The following SV2C variants were observed in gnomAD, a reference collection of about 807,000 sequenced individuals.
SV2C encodes synaptic vesicle glycoprotein 2C.
A neutral mutation model predicts 79.7 loss-of-function variants in SV2C; 49 were observed. That is an observed-to-expected ratio of 0.61 (90% CI 0.49 to 0.78). The LOEUF (loss-of-function observed/expected upper bound fraction) is 0.78. Among genes scored for constraint, SV2C ranks in the 30% least tolerant of loss-of-function variants. The probability of loss-of-function intolerance (pLI) is 0.00; values close to 1 mark genes in which losing one functional copy is unlikely to be tolerated. For synonymous variants in SV2C, 334 were observed against 333.2 expected, an observed-to-expected ratio of 1.00 and a Z score of -0.03; for missense variants, 833 against 912.9, an observed-to-expected ratio of 0.91 and a Z score of 1.13.
chr5:76,239,093 C>CA (rs1745703165), intron 4 of SV2C, among the ~76,000 whole-genome samples: 1 of 151,872 alleles, frequency 6.6e-6, no homozygotes, highest in Admixed American at 6.5e-5. Context: ...TCTTCCCCCC[C>CA]ACTTCTGTAT....
intron 4 of SV2C, among the ~76,000 whole-genome samples, chr5:76,270,143 G>A (rs771578251): frequency 4.1e-4 from 63 of 152,290 alleles, no homozygotes; most frequent in Middle Eastern, 3.4e-3. Flanking sequence ...TTGCATCTCT[G>A]CCAACAATTT....
the SV2C span, among the ~76,000 whole-genome samples, chr5:76,038,558 G>T: frequency 6.6e-6 from 1 of 152,154 alleles, no homozygotes; most frequent in Non-Finnish European, 1.5e-5. Context: ...ATGTTAATAA[G>T]GCAGATAAAG....
the SV2C span, among the ~76,000 whole-genome samples, chr5:76,054,929 T>G: frequency 7.3e-4 from 111 of 152,318 alleles, no homozygotes; most frequent in African/African-American, 2.6e-3. Flanking sequence ...TTGCAAAACT[T>G]TTCACCCATT....
the SV2C span, among the ~76,000 whole-genome samples, chr5:75,930,993 G>A: frequency 6.6e-6 from 1 of 152,120 alleles, no homozygotes; most frequent in Admixed American, 6.5e-5. Flanking sequence ...AATTAGCCAG[G>A]CACGGTGGCA....
chr5:76,038,022 C>T, the SV2C span, among the ~76,000 whole-genome samples: 21 of 152,304 alleles, frequency 1.4e-4, no homozygotes, highest in Middle Eastern at 3.4e-3. Flanking sequence ...CCGTCTGTCA[C>T]CACTTTCTTT....
intron 1 of SV2C, among the ~76,000 whole-genome samples, chr5:76,117,067 C>T (rs1748292494): frequency 1.3e-5 from 2 of 152,228 alleles, no homozygotes; most frequent in South Asian, 2.1e-4. Context: ...CAAGTCTGTC[C>T]CTTATTTGTA....
the SV2C span, among the ~76,000 whole-genome samples, chr5:75,963,135 A>G: frequency 6.6e-6 from 1 of 152,120 alleles, no homozygotes; most frequent in South Asian, 2.1e-4. Flanking sequence ...AGACTGACAG[A>G]GTCTAGAGAG....
the SV2C span, among the ~76,000 whole-genome samples, chr5:75,998,521 T>C: frequency 0.46 from 70,117 of 151,978 alleles, 17,011 homozygotes; most frequent in Middle Eastern, 0.62. Context: ...ATTGAATTGA[T>C]TTGAATTGCA....
At chr5:75,878,404 A>G in the SV2C span, among the ~76,000 whole-genome samples, 4 of 152,158 alleles carry the variant, frequency 2.6e-5, no homozygotes, top group African/African-American at 9.7e-5. Flanking sequence ...CTATTTTATT[A>G]TAAACTGCCT....
chr5:76,250,920 T>C (rs1194564521), intron 4 of SV2C, among the ~76,000 whole-genome samples: 1 of 152,046 alleles, frequency 6.6e-6, no homozygotes, highest in Admixed American at 6.5e-5. Context: ...CCATCAGCTG[T>C]GTATTATGAG....
the SV2C span, among the ~76,000 whole-genome samples, chr5:75,942,465 G>A: frequency 6.6e-5 from 10 of 152,174 alleles, no homozygotes; most frequent in Non-Finnish European, 1.0e-4. Flanking sequence ...TGGGATGAGC[G>A]TGGTGGAACC....
chr5:76,035,254 G>A, the SV2C span, among the ~76,000 whole-genome samples: 8 of 150,226 alleles, frequency 5.3e-5, no homozygotes, highest in Non-Finnish European at 1.2e-4. Context: ...ATTTCCTTCA[G>A]TTCTGCTCTG....
chr5:76,173,668 A>G, intron 2 of SV2C: 1 of 1,613,794 alleles, frequency 6.2e-7, no homozygotes, highest in Non-Finnish European at 8.5e-7. Flanking sequence ...GAGCCTTCCC[A>G]GGCACTGGAG....
chr5:76,334,701 A>G (rs1215435072), downstream of SV2C, among the ~76,000 whole-genome samples: 1 of 152,202 alleles, frequency 6.6e-6, no homozygotes. Flanking sequence ...CAAGGAGAAC[A>G]TTCTCGGAAT....
chr5:76,292,761 G>A (rs1274015043), intron 8 of SV2C, among the ~76,000 whole-genome samples: 1 of 152,196 alleles, frequency 6.6e-6, no homozygotes, highest in Non-Finnish European at 1.5e-5. Flanking sequence ...TGCCATATAT[G>A]TGTTCCAGGA....
chr5:76,140,774 A>G (rs555042103), intron 2 of SV2C, among the ~76,000 whole-genome samples: 67 of 152,288 alleles, frequency 4.4e-4, no homozygotes, highest in South Asian at 2.9e-3. Flanking sequence ...CTACAAGTGT[A>G]CACTGCAGAC....
At chr5:75,964,122 CTGTT>C in the SV2C span, among the ~76,000 whole-genome samples, 2 of 152,034 alleles carry the variant, frequency 1.3e-5, no homozygotes, top group African/African-American at 4.8e-5. Flanking sequence ...AAGGACCTGT[CTGTT>C]CATGTTTTCT....
In SV2C at chr5:76,118,028, A is replaced by G. The variant is rs2112154026; in HGVS notation, c.-101-13622A>G. On this transcript the variant is annotated intron_variant, in intron 1 of 12. Transcript: ENST00000502798. ...AAATTCAACAAGAAAAGGATCTTGTATTAATTTTCTGTGGCTGCCTAACAA... is the reference window on the plus strand; with the variant it reads ...AAATTCAACAAGAAAAGGATCTTGTGTTAATTTTCTGTGGCTGCCTAACAA... 1.3e-5 allele frequency among the ~76,000 whole-genome samples: 2 copies of G among 152,358 alleles called. 1 individual carries two copies. The highest frequency in any genetic ancestry group is 2.9e-5 in the Non-Finnish European group (2 of 68,032).
chr5:75,999,115 A>G, the SV2C span, among the ~76,000 whole-genome samples: 5 of 152,102 alleles, frequency 3.3e-5, no homozygotes, highest in Non-Finnish European at 4.4e-5. Flanking sequence ...GTCAGATCTC[A>G]TAAGACTTAT....
Sources: gnomAD v4.1 joint callset for allele counts (sites outside exome capture counted in the v4.1 genomes callset) on GRCh38, gnomAD v4.1.1 for gene constraint, MANE v1.5 for transcripts, NCBI Gene and HGNC (gene_info 2026-07-23, HGNC 2026-07-21) for gene names.